The following IMMP2L variants were observed in gnomAD, a reference collection of about 807,000 sequenced individuals.
The protein encoded by IMMP2L is inner mitochondrial membrane peptidase subunit 2, also known as mitochondrial inner membrane protease subunit 2.
IMMP2L carries 18 observed loss-of-function variants against 19.3 expected under a neutral mutation model. That is an observed-to-expected ratio of 0.93 (90% CI 0.64 to 1.38). The LOEUF (loss-of-function observed/expected upper bound fraction) is 1.38. Among genes scored for constraint, IMMP2L ranks in the 40% most tolerant of loss-of-function variants. IMMP2L has a pLI of 0.00. For synonymous variants in IMMP2L, 76 were observed against 73.0 expected (o/e 1.04, Z -0.21); for missense variants, 233 against 218.2 (o/e 1.07, Z -0.43).
chr7:111,193,983 A>G (rs1809185735), intron 3 of IMMP2L, among the ~76,000 whole-genome samples: 1 of 152,142 alleles, frequency 6.6e-6, no homozygotes, highest in Non-Finnish European at 1.5e-5. Context: ...GCTCTTTTAG[A>G]CCAGTCCACT....
At chr7:111,340,147 TTTC>T (rs1826868109) in intron 3 of IMMP2L, among the ~76,000 whole-genome samples, 1 of 152,056 alleles carries the variant, frequency 6.6e-6, no homozygotes. Context: ...AAAGTTCCTT[TTTC>T]CTGACTTCAA....
In IMMP2L at chr7:111,535,829, C is replaced by A. The variant is rs530160499; in HGVS notation, c.-2-14380G>T. Among the ~76,000 whole-genome samples the A allele has an allele frequency of 9.9e-5, 15 of 152,064 alleles. No homozygotes were observed. The South Asian group carries it at 3.1e-3, about 32-fold the overall frequency. ...GGAATCAGGGAAGAATGCTGTGGGG[C>A]CCTGGAAGCAAAACCATATAGAAGT... On this transcript the variant is annotated intron_variant, in intron 1 of 5. Coordinates refer to ENST00000405709, the MANE Select transcript of IMMP2L (RefSeq NM_032549.4).
In IMMP2L at chr7:110,714,769, G is replaced by T. The variant is rs986365678; in HGVS notation, c.409-51048C>A. On this transcript the variant is annotated intron_variant, in intron 5 of 5. Coordinates refer to ENST00000405709, the MANE Select transcript of IMMP2L (RefSeq NM_032549.4). The stretch of plus-strand genomic sequence containing the variant: ...CTGCCACCATGCCCAGCTAATTTTT[G>T]TATTTTTAGTAGGGACAGGGTTTTG... Among the ~76,000 whole-genome samples the T allele has an allele frequency of 2.0e-5, 3 of 152,032 alleles. No individual in the cohort carries two copies. In the East Asian group the frequency reaches 5.8e-4, roughly 29 times the overall value.
Position 111,335,839 on chromosome 7 carries a change from A to G in IMMP2L, c.239+151399T>C, listed in dbSNP as rs559939834. Among the ~76,000 whole-genome samples, 6 of 152,262 alleles carry G rather than the reference A, an allele frequency of 3.9e-5. No homozygotes were observed. In the South Asian group the frequency reaches 1.2e-3, roughly 32 times the overall value. On this transcript the variant is annotated intron_variant, in intron 3 of 5. Transcript: ENST00000405709. ...AAACAGCAGGAAAGTATATATTTCTACATGTATGTATATAATTTCATGGAA... is the reference window on the plus strand; with the variant it reads ...AAACAGCAGGAAAGTATATATTTCTGCATGTATGTATATAATTTCATGGAA...
intron 4 of IMMP2L, among the ~76,000 whole-genome samples, chr7:110,936,779 G>A (rs1269416095): frequency 2.0e-5 from 3 of 152,086 alleles, no homozygotes; most frequent in African/African-American, 7.2e-5. Flanking sequence ...TGTTAAAACA[G>A]CAAAGGCTTG....
chr7:111,548,861 G>A (rs530690608), intron 1 of IMMP2L, among the ~76,000 whole-genome samples: 1 of 152,200 alleles, frequency 6.6e-6, no homozygotes, highest in East Asian at 1.9e-4. Context: ...CTGGTCATAA[G>A]TGCTTTAGAA....
At chr7:111,242,776 T>C (rs1815261385) in intron 3 of IMMP2L, among the ~76,000 whole-genome samples, 1 of 151,834 alleles carries the variant, frequency 6.6e-6, no homozygotes, top group Non-Finnish European at 1.5e-5. Context: ...AAAAGAGAAA[T>C]TCTGGGAGGC....
intron 5 of IMMP2L, among the ~76,000 whole-genome samples, chr7:110,689,707 C>G (rs1793362912): frequency 6.6e-6 from 1 of 152,030 alleles, no homozygotes; most frequent in African/African-American, 2.4e-5. Context: ...ATCTGCTGCC[C>G]CTGTTTTATG....
chr7:111,485,027 A>T (rs1034939827), intron 3 of IMMP2L, among the ~76,000 whole-genome samples: 9 of 152,008 alleles, frequency 5.9e-5, no homozygotes, highest in African/African-American at 2.2e-4. Context: ...GGCTTAAGGG[A>T]TCCACACACC....
intron 5 of IMMP2L, among the ~76,000 whole-genome samples, chr7:110,701,523 C>T (rs1038670837): frequency 6.6e-6 from 1 of 151,970 alleles, no homozygotes; most frequent in African/African-American, 2.4e-5. Context: ...CAGGTTCGAG[C>T]GATTCTCCTG....
rs376823269 is a variant in IMMP2L at position 110,815,396 on chromosome 7, A to G, written c.408+71197T>C. On this transcript the variant is annotated intron_variant, in intron 5 of 5. Coordinates refer to ENST00000405709, the MANE Select transcript of IMMP2L (RefSeq NM_032549.4). ...TATTTTATTGAGGATTTTTGCATCA[A>G]TGTTCATCAAGGATATTGGTCTAAA... Among the ~76,000 whole-genome samples the G allele has an allele frequency of 3.2e-4, 48 of 152,178 alleles. 2 individuals carry two copies. In the East Asian group the frequency reaches 4.5e-3, roughly 14 times the overall value.
At chr7:110,776,751 A>C (rs907750622) in intron 5 of IMMP2L, among the ~76,000 whole-genome samples, 6 of 152,022 alleles carry the variant, frequency 3.9e-5, no homozygotes, top group Non-Finnish European at 7.4e-5. Flanking sequence ...TTTCTTTTGA[A>C]AGCCTGACGA....
intron 3 of IMMP2L, among the ~76,000 whole-genome samples, chr7:110,977,971 T>A (rs181840289): frequency 6.6e-6 from 1 of 152,172 alleles, no homozygotes; most frequent in East Asian, 1.9e-4. Context: ...GTAAAGGAAA[T>A]CTAATTGTTT....
intron 3 of IMMP2L, among the ~76,000 whole-genome samples, chr7:111,027,767 C>G (rs953724148): frequency 1.3e-5 from 2 of 152,020 alleles, no homozygotes; most frequent in Admixed American, 1.3e-4. Context: ...ACACAATATT[C>G]AGGCACATAT....
chr7:111,087,177 C>T (rs574351564), intron 3 of IMMP2L, among the ~76,000 whole-genome samples: 3 of 152,220 alleles, frequency 2.0e-5, no homozygotes, highest in South Asian at 2.1e-4. Flanking sequence ...TTGCCGGGCG[C>T]GGTGGCTCAC....
intron 3 of IMMP2L, among the ~76,000 whole-genome samples, chr7:111,016,408 TATATA>T (rs1825547498): frequency 2.1e-5 from 3 of 140,808 alleles, no homozygotes; most frequent in African/African-American, 7.8e-5. Context: ...ATTTATATTT[TATATA>T]ATATATATTT....
chr7:110,831,933 T>G (rs1804007575), intron 5 of IMMP2L, among the ~76,000 whole-genome samples: 2 of 152,184 alleles, frequency 1.3e-5, no homozygotes. Flanking sequence ...CAGCAGGGTT[T>G]TTTTTAAAAC....
intron 3 of IMMP2L, among the ~76,000 whole-genome samples, chr7:111,193,381 T>C (rs1012148384): frequency 9.2e-5 from 14 of 152,034 alleles, no homozygotes; most frequent in African/African-American, 3.4e-4. Context: ...AGATAAACAA[T>C]CTTAAAGGCG....
At chr7:110,911,551 A>G (rs745758390) in intron 4 of IMMP2L, among the ~76,000 whole-genome samples, 1 of 152,160 alleles carries the variant, frequency 6.6e-6, no homozygotes, top group Non-Finnish European at 1.5e-5. Flanking sequence ...ATACCCACAC[A>G]TGTAAATGCT....
Sources: allele counts gnomAD v4.1 joint callset (sites outside exome capture counted in the v4.1 genomes callset), GRCh38; gene constraint gnomAD v4.1.1; transcripts MANE v1.5; gene names NCBI Gene and HGNC (gene_info 2026-07-23, HGNC 2026-07-21).